CEP85L: variants seen among roughly 807,000 people sequenced by gnomAD.
CEP85L encodes the protein centrosomal protein of 85 kDa-like.
In CEP85L, 60 loss-of-function variants were observed where a neutral mutation model predicts 100.3. The observed-to-expected ratio is 0.60, with a 90% CI of 0.49 to 0.74. The LOEUF is 0.74. Among genes scored for constraint, CEP85L ranks in the 30% least tolerant of loss-of-function variants. The probability of loss-of-function intolerance (pLI) is 0.00; values close to 1 mark genes in which losing one functional copy is unlikely to be tolerated. For synonymous variants in CEP85L, 319 were observed against 322.7 expected (o/e 0.99, Z 0.12); for missense variants, 973 against 936.2 (o/e 1.04, Z -0.51).
intron 3 of CEP85L, among the ~76,000 whole-genome samples, chr6:118,528,293 A>G (rs1431879210): frequency 1.3e-5 from 2 of 152,006 alleles, no homozygotes; most frequent in African/African-American, 4.8e-5. Flanking sequence ...GAGAAACAGC[A>G]ACTGACAACA....
chr6:118,491,455 A>C, intron 6 of CEP85L: 1 of 1,247,846 alleles, frequency 8.0e-7, no homozygotes, highest in Non-Finnish European at 1.0e-6. Context: ...TTAATTTTTT[A>C]AAGATTTTAC....
chr6:118,558,944 C>T, intron 3 of CEP85L: 1 of 1,613,854 alleles, frequency 6.2e-7, no homozygotes, highest in Non-Finnish European at 8.5e-7. Context: ...CAATACCTCA[C>T]TCGCTCAGCT....
intron 10 of CEP85L, among the ~76,000 whole-genome samples, chr6:118,478,601 G>A (rs141338653): frequency 8.5e-5 from 13 of 152,142 alleles, no homozygotes; most frequent in Non-Finnish European, 1.5e-5. Flanking sequence ...TAATTATAGT[G>A]TCTAGGCCCA....
At chr6:118,567,453 C>G (rs1305463492) in intron 2 of CEP85L, among the ~76,000 whole-genome samples, 1 of 151,766 alleles carries the variant, frequency 6.6e-6, no homozygotes, top group African/African-American at 2.4e-5. Flanking sequence ...ATAGTTTTAG[C>G]AGACTAAATG....
intron 6 of CEP85L, among the ~76,000 whole-genome samples, chr6:118,491,058 G>A (rs1774520102): frequency 6.6e-6 from 1 of 152,154 alleles, no homozygotes; most frequent in South Asian, 2.1e-4. Context: ...GGGACTGCTG[G>A]ATCAAATGGT....
intron 2 of CEP85L, among the ~76,000 whole-genome samples, chr6:118,604,843 T>C (rs1772077033): frequency 6.6e-6 from 1 of 152,230 alleles, no homozygotes; most frequent in African/African-American, 2.4e-5. Flanking sequence ...TGTCTACATT[T>C]TCAAGACATT....
At chr6:118,504,972 C>T (rs1238283167) in intron 5 of CEP85L, among the ~76,000 whole-genome samples, 2 of 152,110 alleles carry the variant, frequency 1.3e-5, no homozygotes, top group Admixed American at 6.6e-5. Context: ...TATATCACTA[C>T]AGCGGCTTTA....
At chr6:118,553,590 T>C (rs1778677511) in intron 3 of CEP85L, among the ~76,000 whole-genome samples, 1 of 152,250 alleles carries the variant, frequency 6.6e-6, no homozygotes, top group Non-Finnish European at 1.5e-5. Context: ...CAAATAACTT[T>C]AGGATTATGG....
At chr6:118,467,552 G>A (rs1213882954) in intron 12 of CEP85L, among the ~76,000 whole-genome samples, 1 of 152,160 alleles carries the variant, frequency 6.6e-6, no homozygotes, top group Non-Finnish European at 1.5e-5. Flanking sequence ...TAAGGATTCT[G>A]GGGTCAAACT....
intron 3 of CEP85L, among the ~76,000 whole-genome samples, chr6:118,543,407 C>T (rs964819324): frequency 6.6e-5 from 10 of 151,906 alleles, no homozygotes; most frequent in African/African-American, 2.4e-4. Context: ...TCTTATTGAG[C>T]CTTCTAAGGG....
chr6:118,671,180 A>G (rs971363236), intron 1 of CEP85L, among the ~76,000 whole-genome samples: 1 of 152,140 alleles, frequency 6.6e-6, no homozygotes, highest in African/African-American at 2.4e-5. Flanking sequence ...TCTGGTTGTG[A>G]GCCCTCTTGA....
intron 12 of CEP85L, 37 bp from the exon 13 acceptor site, chr6:118,465,605 T>C: frequency 6.3e-7 from 1 of 1,594,342 alleles, no homozygotes; most frequent in Non-Finnish European, 8.6e-7. Flanking sequence ...ATCTCACATT[T>C]TTTTGAACAA....
At chr6:118,498,238 A>G (rs1775046961) in intron 5 of CEP85L, among the ~76,000 whole-genome samples, 1 of 152,220 alleles carries the variant, frequency 6.6e-6, no homozygotes, top group Admixed American at 6.5e-5. Context: ...TCATGCCTGT[A>G]ATCCCAGTAC....
At chr6:118,545,320 T>G (rs1178076226) in intron 3 of CEP85L, among the ~76,000 whole-genome samples, 1 of 152,228 alleles carries the variant, frequency 6.6e-6, no homozygotes, top group African/African-American at 2.4e-5. Context: ...CTGGGCGCGG[T>G]GGCTCACGCC....
chr6:118,502,491 G>A, intron 5 of CEP85L: 1 of 520,416 alleles, frequency 1.9e-6, no homozygotes, highest in Non-Finnish European at 3.7e-6. Flanking sequence ...AAAACAAATG[G>A]AGATTACACA....
At chr6:118,532,477 GT>G (rs1188651080) in intron 3 of CEP85L, among the ~76,000 whole-genome samples, 1 of 152,108 alleles carries the variant, frequency 6.6e-6, no homozygotes, top group African/African-American at 2.4e-5. Context: ...ATTTAACCAT[GT>G]AACAAACCTG....
intron 2 of CEP85L, among the ~76,000 whole-genome samples, chr6:118,594,210 A>C (rs1264483577): frequency 2.0e-5 from 3 of 152,228 alleles, no homozygotes; most frequent in Non-Finnish European, 2.9e-5. Context: ...CAAATAAATA[A>C]TCCAACAAGT....
intron 2 of CEP85L, among the ~76,000 whole-genome samples, chr6:118,618,001 C>G (rs1773180693): frequency 6.6e-6 from 1 of 152,188 alleles, no homozygotes; most frequent in African/African-American, 2.4e-5. Flanking sequence ...AAAGGGCTCT[C>G]TGACAATCCC....
At position 118,483,717 on chromosome 6, in the gene CEP85L, G is replaced by C; in HGVS notation, c.1579C>G (p.Gln527Glu). ...TTATTTCATGTTACCTGTAGACTCT[G>C]ACTCTGTACATCATCTAGAGTTGGA... ...DLPTLDDVQS[Q>E]SLQLQILEEK... The change falls in exon 7 of 13, where the codon CAG (glutamine) becomes GAG (glutamate). Residue 527 changes from glutamine (Q) to glutamate (E), a missense_variant. Around this residue, in one of 3 missense-constraint regions of CEP85L, gnomAD observed 890 missense variants for 844.5 expected, o/e 1.05. Transcript: ENST00000368491. 6.2e-7 allele frequency: 1 copy of C among 1,612,428 alleles called. No homozygotes were observed. Among genetic ancestry groups the C allele is most frequent in the African/African-American group, 1.3e-5 (1 of 74,960 alleles).
Sources: gnomAD v4.1 joint callset for allele counts (sites outside exome capture counted in the v4.1 genomes callset) on GRCh38, gnomAD v4.1.1 for gene constraint, gnomAD v4.1.1 regional missense constraint, MANE v1.5 for transcripts, NCBI Gene and HGNC (gene_info 2026-07-23, HGNC 2026-07-21) for gene names.